The following CPLX4 variants were observed in gnomAD, a reference collection of about 807,000 sequenced individuals.
CPLX4 encodes complexin 4.
Under a neutral mutation model 16.1 loss-of-function variants are expected in CPLX4, and 17 were observed. That is an observed-to-expected ratio of 1.06 (90% CI 0.72 to 1.59). The LOEUF is 1.59. CPLX4 is among the 40% of genes most tolerant of loss of function. CPLX4 has a pLI of 0.00. For missense variants in CPLX4, 193 were observed against 192.9 expected, an observed-to-expected ratio of 1.00 and a Z score of 0.00; for synonymous variants, 55 against 57.8, an observed-to-expected ratio of 0.95 and a Z score of 0.22.
chr18:59,308,001 C>A (rs2070589085), intron 2 of CPLX4, among the ~76,000 whole-genome samples: 2 of 151,448 alleles, frequency 1.3e-5, no homozygotes, highest in African/African-American at 2.4e-5. Flanking sequence ...TGGTTTTGAA[C>A]TCTTGACCTC....
At position 59,297,516 on chromosome 18, in the gene CPLX4, G is replaced by A. The variant is rs2144176862; in HGVS notation, c.256-591C>T. Among the ~76,000 whole-genome samples the A allele has an allele frequency of 2.0e-5, 3 of 152,178 alleles. 1 individual carries two copies. Among genetic ancestry groups the A allele is most frequent in the Middle Eastern group, 6.8e-3 (2 of 294 alleles). Reference sequence around the variant, plus strand: ...GCTGGTCTCGAACTCCTGACCTCAGGCGATCCAACCACCCCGGCCTCCCAA... The same window carrying A: ...GCTGGTCTCGAACTCCTGACCTCAGACGATCCAACCACCCCGGCCTCCCAA... On this transcript the variant is annotated intron_variant, in intron 2 of 2. Transcript: ENST00000299721.
chr18:59,309,184 A>C (rs2070598903), intron 2 of CPLX4, among the ~76,000 whole-genome samples: 1 of 152,240 alleles, frequency 6.6e-6, no homozygotes, highest in Non-Finnish European at 1.5e-5. Context: ...GCTTTACAAA[A>C]AGCAGGCAAT....
chr18:59,317,286 G>T (rs1161075870), intron 1 of CPLX4, among the ~76,000 whole-genome samples: 3 of 152,048 alleles, frequency 2.0e-5, no homozygotes, highest in Admixed American at 6.6e-5. Context: ...TGGCAAAAAA[G>T]AAATACTTTT....
At chr18:59,317,668 G>A (rs552099573) in intron 1 of CPLX4, among the ~76,000 whole-genome samples, 1 of 152,042 alleles carries the variant, frequency 6.6e-6, no homozygotes, top group Non-Finnish European at 1.5e-5. Flanking sequence ...ACTGTAAGCT[G>A]TTGATTTTAT....
intron 2 of CPLX4, among the ~76,000 whole-genome samples, chr18:59,310,976 G>GTC (rs1459590623): frequency 6.9e-6 from 1 of 144,940 alleles, no homozygotes; most frequent in Non-Finnish European, 1.6e-5. Context: ...GTGTGTGTGT[G>GTC]TGTGTGTGTG....
intron 2 of CPLX4, among the ~76,000 whole-genome samples, chr18:59,300,170 A>G (rs940731747): frequency 6.6e-6 from 1 of 152,054 alleles, no homozygotes; most frequent in Non-Finnish European, 1.5e-5. Context: ...CGTCTCTACT[A>G]AAAATGCAAA....
intron 2 of CPLX4, among the ~76,000 whole-genome samples, chr18:59,302,461 T>A (rs1344108297): frequency 6.6e-6 from 1 of 152,250 alleles, no homozygotes; most frequent in Non-Finnish European, 1.5e-5. Context: ...ATTAGGGGAC[T>A]TATAGGCTAT....
At chr18:59,312,422 C>A (rs974360720) in intron 2 of CPLX4, among the ~76,000 whole-genome samples, 1 of 138,858 alleles carries the variant, frequency 7.2e-6, no homozygotes, top group African/African-American at 2.6e-5. Flanking sequence ...TATATATATC[C>A]TGAATATGTG....
chr18:59,302,965 C>T (rs1015134651), intron 2 of CPLX4, among the ~76,000 whole-genome samples: 2 of 152,164 alleles, frequency 1.3e-5, no homozygotes, highest in African/African-American at 2.4e-5. Context: ...CCACAGGATA[C>T]CAAAAGCTAG....
chr18:59,318,200 T>C lies in CPLX4; in HGVS notation c.167+96A>G. On this transcript the variant is annotated intron_variant, in intron 1 of 2. Transcript: ENST00000299721. Reference sequence around the variant, plus strand: ...GTAAACGGCAAAAGGAAAGGCATCTTAAAAAGCAAAGAGAAATAAACTGGA... The same window carrying C: ...GTAAACGGCAAAAGGAAAGGCATCTCAAAAAGCAAAGAGAAATAAACTGGA... 3 of 1,455,190 alleles carry C rather than the reference T, an allele frequency of 2.1e-6. No individual in the cohort carries two copies. In the South Asian group the frequency reaches 5.2e-5, roughly 25 times the overall value. 90.1% of individuals were successfully genotyped at this position (1,455,190 alleles called of 1,614,324 possible).
chr18:59,298,182 T>C lies in CPLX4; in HGVS notation c.256-1257A>G, dbSNP rs73446267. On this transcript the variant is annotated intron_variant, in intron 2 of 2. Coordinates refer to ENST00000299721, the MANE Select transcript of CPLX4 (RefSeq NM_181654.4). ...TGGGCTCATTGCAGCCTTGGCCTCCTGGGCTCAAGCAATCCTTCCACCTCA... is the reference window on the plus strand; with the variant it reads ...TGGGCTCATTGCAGCCTTGGCCTCCCGGGCTCAAGCAATCCTTCCACCTCA... 7.6e-3 allele frequency among the ~76,000 whole-genome samples: 1,151 copies of C among 152,132 alleles called. 28 individuals carry two copies. Among genetic ancestry groups the C allele is most frequent in the African/African-American group, 0.026 (1,086 of 41,510 alleles).
chr18:59,304,518 C>G (rs1242622038), intron 2 of CPLX4, among the ~76,000 whole-genome samples: 1 of 152,152 alleles, frequency 6.6e-6, no homozygotes, highest in East Asian at 1.9e-4. Context: ...TACTGTAACT[C>G]TAATGGCAGG....
At chr18:59,311,117 T>A (rs928129050) in intron 2 of CPLX4, among the ~76,000 whole-genome samples, 1 of 152,116 alleles carries the variant, frequency 6.6e-6, no homozygotes, top group Non-Finnish European at 1.5e-5. Flanking sequence ...GAGACCACAT[T>A]GCTAAAGTGA....
chr18:59,296,122 C>G lies in CPLX4; in HGVS notation c.*576G>C, dbSNP rs1271538789. The G allele has an allele frequency of 6.7e-6, 1 of 148,844 alleles. No homozygotes were observed. The highest frequency in any genetic ancestry group is 7.2e-5 in the Admixed American group (1 of 13,840). 9.2% of individuals were successfully genotyped at this position (148,844 alleles called of 1,614,324 possible). A position where few individuals can be genotyped will look rare whatever the true frequency, so the allele number is the denominator to read the frequency against. ...GTTCACCACATCTGTGCTACCGCCA[C>G]TTGGCTGAGAAGCATCCAAGGACCA... is the stretch of plus-strand genomic sequence containing the variant. On this transcript the variant is annotated 3_prime_UTR_variant, in exon 3 of 3. Coordinates refer to ENST00000299721, the MANE Select transcript of CPLX4 (RefSeq NM_181654.4).
rs919758954 is a variant in CPLX4 at position 59,296,168 on chromosome 18, T to C, written c.*530A>G. The C allele has an allele frequency of 6.5e-6, 1 of 153,730 alleles. No individual in the cohort carries two copies. The highest frequency in any genetic ancestry group is 1.3e-5 in the Non-Finnish European group (1 of 75,010). The allele number at this position is 153,730 out of a possible 1,614,324, so 9.5% of individuals were successfully genotyped here. On this transcript the variant is annotated 3_prime_UTR_variant, in exon 3 of 3. Transcript: ENST00000299721. ...GACCAAAGGATCCAAGCATACTTGA[T>C]GAGTATCATTGACAAATTCAAGGAT...
chr18:59,302,171 C>G (rs965491789), intron 2 of CPLX4, among the ~76,000 whole-genome samples: 2 of 152,172 alleles, frequency 1.3e-5, no homozygotes, highest in Non-Finnish European at 2.9e-5. Context: ...AATGAACCAC[C>G]CTGCTGACAG....
chr18:59,314,955 T>C (rs2070642605), intron 1 of CPLX4, among the ~76,000 whole-genome samples: 1 of 152,256 alleles, frequency 6.6e-6, no homozygotes, highest in Non-Finnish European at 1.5e-5. Flanking sequence ...GGGGTGACAG[T>C]AAGTAAAGCT....
At chr18:59,298,879 T>A (rs575032362) in intron 2 of CPLX4, among the ~76,000 whole-genome samples, 4 of 152,334 alleles carry the variant, frequency 2.6e-5, no homozygotes, top group Non-Finnish European at 5.9e-5. Context: ...TTCGGTTCCC[T>A]GGGCAGAGTG....
intron 1 of CPLX4, among the ~76,000 whole-genome samples, chr18:59,314,253 C>G (rs2070637500): frequency 6.6e-6 from 1 of 152,092 alleles, no homozygotes; most frequent in South Asian, 2.1e-4. Context: ...ACCTTTTCTC[C>G]CCATGTTTTA....
Sources: allele counts gnomAD v4.1 joint callset (sites outside exome capture counted in the v4.1 genomes callset), GRCh38; gene constraint gnomAD v4.1.1; transcripts MANE v1.5; gene names NCBI Gene and HGNC (gene_info 2026-07-23, HGNC 2026-07-21).